The following TNFSF11 variants were observed in gnomAD, a reference collection of about 807,000 sequenced individuals.
TNFSF11 encodes the protein tumor necrosis factor ligand superfamily member 11.
TNFSF11 carries 12 observed loss-of-function variants against 32.2 expected under a neutral mutation model. The observed-to-expected ratio is 0.37, with a 90% CI of 0.24 to 0.60. The LOEUF is 0.60. Ranked by LOEUF, TNFSF11 falls within the 20% of genes least tolerant of loss-of-function variation. TNFSF11 has a pLI of 0.66. For synonymous variants in TNFSF11, 172 were observed against 152.1 expected (o/e 1.13, Z -0.96); for missense variants, 345 against 398.0 (o/e 0.87, Z 1.13).
At chr13:42,571,345 T>C (rs576540178), upstream of TNFSF11, among the ~76,000 whole-genome samples, 12 of 150,472 alleles carry the variant, frequency 8.0e-5, no homozygotes, top group Admixed American at 6.6e-5. Context: ...TGAAGGACTA[T>C]TGGAGAGTTT....
At chr13:42,599,100 C>T (rs1868983631) in intron 2 of TNFSF11, among the ~76,000 whole-genome samples, 1 of 152,140 alleles carries the variant, frequency 6.6e-6, no homozygotes, top group South Asian at 2.1e-4. Context: ...TTGAGTGAGT[C>T]CTAGGGTTTC....
chr13:42,600,640 C>T (rs1455640636), intron 2 of TNFSF11, 112 bp from the exon 3 acceptor site: 86 of 1,180,828 alleles, frequency 7.3e-5, no homozygotes, highest in Non-Finnish European at 9.7e-5. Flanking sequence ...TACTATGGCA[C>T]CTTTGGAAGG....
intron 1 of TNFSF11, among the ~76,000 whole-genome samples, chr13:42,563,537 C>T (rs1398706782): frequency 6.6e-6 from 1 of 152,056 alleles, no homozygotes; most frequent in African/African-American, 2.4e-5. Context: ...GTGGCGGACA[C>T]TTGTCATCCC....
chr13:42,568,656 G>A (rs1044726571), intron 2 of TNFSF11, among the ~76,000 whole-genome samples: 1 of 152,146 alleles, frequency 6.6e-6, no homozygotes, highest in African/African-American at 2.4e-5. Context: ...TATGAGCCTG[G>A]ACCGGAGATC....
chr13:42,607,174 A>G lies in TNFSF11; in HGVS notation c.*256A>G. The G allele has an allele frequency of 2.1e-6, 1 of 472,520 alleles. No individual in the cohort carries two copies. 29.3% of individuals were successfully genotyped at this position (472,520 alleles called of 1,614,324 possible). A position where few individuals can be genotyped will look rare whatever the true frequency, so the allele number is the denominator to read the frequency against. On this transcript the variant is annotated 3_prime_UTR_variant, in exon 5 of 5. Coordinates refer to ENST00000398795, the MANE Select transcript of TNFSF11 (RefSeq NM_003701.4). ...CCTAGAATTAAACCAGATTGGAGCA[A>G]TTACGGGGTGACCTTATGAGAAACT...
chr13:42,603,111 A>C (rs182531078), intron 4 of TNFSF11, among the ~76,000 whole-genome samples: 2 of 152,326 alleles, frequency 1.3e-5, no homozygotes, highest in African/African-American at 4.8e-5. Context: ...TTTCAGAGGA[A>C]GTGGCTTTAA....
chr13:42,591,284 G>T (rs998189764), intron 2 of TNFSF11, among the ~76,000 whole-genome samples: 1 of 152,090 alleles, frequency 6.6e-6, no homozygotes, highest in African/African-American at 2.4e-5. Flanking sequence ...CAAATTTAAG[G>T]TGAGGATGGC....
intron 4 of TNFSF11, among the ~76,000 whole-genome samples, chr13:42,605,995 T>C (rs1326728750): frequency 2.0e-5 from 3 of 152,248 alleles, no homozygotes. Context: ...TTTCTTGCTT[T>C]CCTGTCTCAG....
intron 2 of TNFSF11, among the ~76,000 whole-genome samples, chr13:42,586,942 A>G (rs1217380389): frequency 6.6e-6 from 1 of 152,254 alleles, no homozygotes; most frequent in East Asian, 1.9e-4. Flanking sequence ...TAAGATTAAT[A>G]TACCCAAAGA....
chr13:42,584,165 T>G (rs577482718), intron 2 of TNFSF11, among the ~76,000 whole-genome samples: 2 of 152,312 alleles, frequency 1.3e-5, no homozygotes, highest in African/African-American at 4.8e-5. Flanking sequence ...ACAGTCATAA[T>G]TTTTGAGGTA....
intron 2 of TNFSF11, among the ~76,000 whole-genome samples, chr13:42,595,203 C>A (rs987030539): frequency 2.6e-5 from 4 of 152,106 alleles, no homozygotes; most frequent in African/African-American, 2.4e-5. Flanking sequence ...TTTCTTTTAT[C>A]CTTGAATGGG....
At chr13:42,605,866 C>T (rs528314465) in intron 4 of TNFSF11, among the ~76,000 whole-genome samples, 6 of 152,320 alleles carry the variant, frequency 3.9e-5, no homozygotes, top group South Asian at 2.1e-4. Context: ...TGAGTTTAGA[C>T]GTCTGACCTT....
chr13:42,585,761 A>G (rs1284216554), intron 2 of TNFSF11, among the ~76,000 whole-genome samples: 2 of 152,354 alleles, frequency 1.3e-5, no homozygotes, highest in East Asian at 1.9e-4. Flanking sequence ...GTGGAAAGCC[A>G]TCTGTTTATG....
At chr13:42,604,929 G>A (rs1056512079) in intron 4 of TNFSF11, among the ~76,000 whole-genome samples, 2 of 152,064 alleles carry the variant, frequency 1.3e-5, no homozygotes, top group Non-Finnish European at 2.9e-5. Context: ...GATTACGGGC[G>A]CCTGCCACCG....
chr13:42,598,477 T>G (rs1314522246), intron 2 of TNFSF11, among the ~76,000 whole-genome samples: 1 of 152,160 alleles, frequency 6.6e-6, no homozygotes, highest in Admixed American at 6.5e-5. Flanking sequence ...CAGAGGAAGG[T>G]CTATTCCCTA....
intron 1 of TNFSF11, among the ~76,000 whole-genome samples, chr13:42,579,958 T>C (rs1294126519): frequency 3.3e-5 from 5 of 152,266 alleles, no homozygotes; most frequent in African/African-American, 1.2e-4. Context: ...TTTGAGAATC[T>C]CAGATATGGA....
rs200956755 is a variant in TNFSF11 at position 42,595,926 on chromosome 13, C to T, written c.388-4826C>T. Among the ~76,000 whole-genome samples the T allele has an allele frequency of 2.0e-5, 3 of 152,318 alleles. No individual in the cohort carries two copies. The East Asian group carries it at 5.8e-4, about 29-fold the overall frequency. On this transcript the variant is annotated intron_variant, in intron 2 of 4. Coordinates refer to ENST00000398795, the MANE Select transcript of TNFSF11 (RefSeq NM_003701.4). ...ATAAAGAACTATAGAAATTTTAAAACACTCTAATTAATCTGACAGATGTAG... is the reference window on the plus strand; with the variant it reads ...ATAAAGAACTATAGAAATTTTAAAATACTCTAATTAATCTGACAGATGTAG...
intron 2 of TNFSF11, among the ~76,000 whole-genome samples, chr13:42,589,851 G>T (rs1243395710): frequency 6.6e-6 from 1 of 152,264 alleles, no homozygotes; most frequent in Non-Finnish European, 1.5e-5. Flanking sequence ...ATGAATGGAT[G>T]AATGAATGAT....
In TNFSF11 at chr13:42,603,208, C is replaced by T. The variant is rs538189813; in HGVS notation, c.532+2227C>T. Among the ~76,000 whole-genome samples the T allele has an allele frequency of 2.0e-5, 3 of 152,274 alleles. No individual in the cohort carries two copies. In the South Asian group the frequency reaches 6.2e-4, roughly 32 times the overall value. On this transcript the variant is annotated intron_variant, in intron 4 of 4. Transcript: ENST00000398795. ...GCCTTATATGGACTGATACCACTTG[C>T]ATTTTCAAAATATCTTAGATGAAAT... is the stretch of plus-strand genomic sequence containing the variant.
Sources: gnomAD v4.1 joint callset for allele counts (sites outside exome capture counted in the v4.1 genomes callset) on GRCh38, gnomAD v4.1.1 for gene constraint, MANE v1.5 for transcripts, NCBI Gene and HGNC (gene_info 2026-07-23, HGNC 2026-07-21) for gene names.